Variants in FOCAD observed in about 807,000 individuals in gnomAD.
The protein encoded by FOCAD is focadhesin, also known as KIAA1797.
Under a neutral mutation model 225.6 loss-of-function variants are expected in FOCAD, and 198 were observed. The observed-to-expected ratio is 0.88, with a 90% CI of 0.78 to 0.99. FOCAD has a LOEUF of 0.99. Ranked by LOEUF, FOCAD falls within the 50% of genes least tolerant of loss-of-function variation. The pLI is 0.00. For synonymous variants in FOCAD, 897 were observed against 755.0 expected (o/e 1.19, Z -3.08); for missense variants, 2,713 against 2,123.6 (o/e 1.28, Z -5.46).
chr9:20,803,135 C>G (rs115950017), intron 11 of FOCAD, among the ~76,000 whole-genome samples: 6,890 of 152,042 alleles, frequency 0.045, 231 homozygotes, highest in African/African-American at 0.094. Context: ...ATTAAGTGGA[C>G]TTATCATGGA....
intron 1 of FOCAD, chr9:20,658,581 G>A (rs1004320217): frequency 6.5e-6 from 1 of 154,338 alleles, no homozygotes; most frequent in Non-Finnish European, 1.4e-5. Flanking sequence ...CTCGGAAAGG[G>A]AACTCCCTGA....
upstream of FOCAD, among the ~76,000 whole-genome samples, chr9:20,656,678 C>T (rs1371505150): frequency 7.9e-5 from 12 of 152,116 alleles, no homozygotes; most frequent in East Asian, 1.2e-3. Flanking sequence ...TGTCTCTGCA[C>T]GTGAGATGGG....
chr9:20,806,056 G>A lies in FOCAD; in HGVS notation c.1456-13740G>A, dbSNP rs554368337. On this transcript the variant is annotated intron_variant, in intron 11 of 43. Transcript: ENST00000338382. The stretch of plus-strand genomic sequence containing the variant: ...AAACTGTTCAAAAGCCAATGAAGAC[G>A]TACCCAGACATTTAGCATTTACAAG... Among the ~76,000 whole-genome samples the A allele has an allele frequency of 5.3e-5, 8 of 152,188 alleles. No homozygotes were observed. The South Asian group carries it at 6.2e-4, about 12-fold the overall frequency.
chr9:20,723,794 A>G (rs993510834), intron 4 of FOCAD, among the ~76,000 whole-genome samples: 8 of 152,236 alleles, frequency 5.3e-5, no homozygotes, highest in East Asian at 1.9e-4. Flanking sequence ...TTGCATTGCT[A>G]TAAAGAAATA....
intron 1 of FOCAD, among the ~76,000 whole-genome samples, chr9:20,699,111 T>C (rs1016268799): frequency 1.3e-5 from 2 of 152,210 alleles, no homozygotes; most frequent in East Asian, 1.9e-4. Context: ...GGGAGACTTT[T>C]GTGGTTCTGG....
chr9:20,855,760 C>T (rs757884188), intron 15 of FOCAD, among the ~76,000 whole-genome samples: 35 of 150,682 alleles, frequency 2.3e-4, no homozygotes, highest in Non-Finnish European at 4.3e-4. Context: ...CCACCCTTTG[C>T]AGCCTCTGTT....
rs1043221045 is a variant in FOCAD at position 20,767,799 on chromosome 9, T to C, written c.700-2233T>C. ...TTGCCTGTTCACTCTGATGGTAGTT[T>C]CTTTTGCTGTGCAGAAGCTCTTTAG... On this transcript the variant is annotated intron_variant, in intron 7 of 43. Transcript: ENST00000338382. Among the ~76,000 whole-genome samples the C allele has an allele frequency of 1.4e-3, 215 of 149,848 alleles. 3 individuals carry two copies. Among genetic ancestry groups the C allele is most frequent in the African/African-American group, 4.9e-3 (203 of 41,024 alleles).
intron 15 of FOCAD, among the ~76,000 whole-genome samples, chr9:20,847,120 A>G (rs565360911): frequency 2.6e-5 from 4 of 152,192 alleles, no homozygotes; most frequent in South Asian, 2.1e-4. Flanking sequence ...GTGCATTTCA[A>G]TTGTTTTTCC....
At chr9:20,814,856 T>A (rs1309155513) in intron 11 of FOCAD, among the ~76,000 whole-genome samples, 1 of 152,160 alleles carries the variant, frequency 6.6e-6, no homozygotes, top group Non-Finnish European at 1.5e-5. Flanking sequence ...TTCATCCATT[T>A]ACATGGTTTT....
Position 20,778,731 on chromosome 9 carries a change from G to C in FOCAD, c.957G>C (p.Gln319His). The C allele has an allele frequency of 1.2e-6, 2 of 1,612,278 alleles. No homozygotes were observed. Among genetic ancestry groups the C allele is most frequent in the Non-Finnish European group, 1.7e-6 (2 of 1,178,966 alleles). ...VIIGIALLLL[Q>H]TPASQQKPIL... ...TTGGAATAGCTTTACTACTTCTACA[G>C]ACTCCAGCAAGTCAGCAGAAGCCAA... The change falls in exon 9 of 44, where the codon CAG becomes CAC. Residue 319 changes from glutamine (Q) to histidine (H), a missense_variant. Physicochemically the swap from Gln to His is conservative, Grantham distance 24. Coordinates refer to ENST00000338382, the MANE Select transcript of FOCAD (RefSeq NM_001375567.1).
intron 15 of FOCAD, among the ~76,000 whole-genome samples, chr9:20,843,563 C>T (rs1256929469): frequency 6.6e-6 from 1 of 151,900 alleles, no homozygotes; most frequent in African/African-American, 2.4e-5. Context: ...GAGTTTGATT[C>T]TTAAATGTCT....
At position 20,949,687 on chromosome 9, in the gene FOCAD, A is replaced by G; in HGVS notation, c.3948+12A>G. 6.2e-7 allele frequency: 1 copy of G among 1,604,856 alleles called. No homozygotes were observed. The highest frequency in any genetic ancestry group is 8.5e-7 in the Non-Finnish European group (1 of 1,172,212). ...GAACCTTAACTCAGGTGAGAAAATGAATTTAAAATCCTTGGGTGGAAAACA... is the reference window on the plus strand; with the variant it reads ...GAACCTTAACTCAGGTGAGAAAATGGATTTAAAATCCTTGGGTGGAAAACA... On this transcript the variant is annotated intron_variant, in intron 33 of 43. Transcript: ENST00000338382.
chr9:20,904,273 T>TA (rs1215813084), intron 21 of FOCAD, among the ~76,000 whole-genome samples: 1 of 152,002 alleles, frequency 6.6e-6, no homozygotes, highest in Non-Finnish European at 1.5e-5. Context: ...GGTATATACC[T>TA]AGGTGTGGAA....
chr9:20,734,716 C>G (rs994294556), intron 4 of FOCAD, among the ~76,000 whole-genome samples: 4 of 151,920 alleles, frequency 2.6e-5, no homozygotes, highest in Non-Finnish European at 5.9e-5. Flanking sequence ...GTGATCATGG[C>G]TCACTGCAGC....
intron 11 of FOCAD, among the ~76,000 whole-genome samples, chr9:20,818,087 G>A (rs544125443): frequency 1.2e-4 from 19 of 152,272 alleles, no homozygotes; most frequent in African/African-American, 4.1e-4. Flanking sequence ...TGCATCATGT[G>A]TAAGGTGGTA....
chr9:20,805,999 A>G (rs1354616467), intron 11 of FOCAD, among the ~76,000 whole-genome samples: 3 of 152,178 alleles, frequency 2.0e-5, no homozygotes, highest in African/African-American at 7.2e-5. Context: ...CATATGTGCT[A>G]AGAGCTAATG....
chr9:20,819,929 A>G, intron 12 of FOCAD, 29 bp downstream of exon 12: 1 of 1,318,894 alleles, frequency 7.6e-7, no homozygotes, highest in Non-Finnish European at 1.1e-6. Context: ...TTAGTTGGCG[A>G]AAAAAGTGAG....
At chr9:20,765,696 G>T (rs1454162431) in intron 7 of FOCAD, among the ~76,000 whole-genome samples, 1 of 152,168 alleles carries the variant, frequency 6.6e-6, no homozygotes, top group Non-Finnish European at 1.5e-5. Flanking sequence ...CAGTTCAGGG[G>T]AAAGAGAAAT....
intron 1 of FOCAD, among the ~76,000 whole-genome samples, chr9:20,709,898 CA>C (rs1213959832): frequency 6.6e-6 from 1 of 152,156 alleles, no homozygotes; most frequent in Non-Finnish European, 1.5e-5. Context: ...TAGATAAAAA[CA>C]ACACTGTTTT....
Sources: allele counts gnomAD v4.1 joint callset (sites outside exome capture counted in the v4.1 genomes callset), GRCh38; gene constraint gnomAD v4.1.1; transcripts MANE v1.5; gene names NCBI Gene and HGNC (gene_info 2026-07-23, HGNC 2026-07-21).